The following ZNF670 variants were observed in gnomAD, a reference collection of about 807,000 sequenced individuals.
The protein encoded by ZNF670 is zinc finger protein 670.
ZNF670 carries 7 observed loss-of-function variants against 10.9 expected under a neutral mutation model. That is an observed-to-expected ratio of 0.64 (90% CI 0.36 to 1.20). ZNF670 has a LOEUF of 1.20. Among genes scored for constraint, ZNF670 ranks in the 50% most tolerant of loss-of-function variants. ZNF670 has a pLI of 0.02. For synonymous variants in ZNF670, 136 were observed against 152.7 expected (o/e 0.89, Z 0.81); for missense variants, 446 against 458.6 (o/e 0.97, Z 0.25).
At chr1:247,065,054 T>G (rs1409132718) in intron 1 of ZNF670, among the ~76,000 whole-genome samples, 2 of 152,120 alleles carry the variant, frequency 1.3e-5, no homozygotes, top group East Asian at 1.9e-4. Flanking sequence ...GTGATCCACC[T>G]GCCTCAGCCT....
At chr1:247,050,734 A>G (rs144118958) in intron 1 of ZNF670, among the ~76,000 whole-genome samples, 3,816 of 151,852 alleles carry the variant, frequency 0.025, 66 homozygotes, top group Non-Finnish European at 0.028. Flanking sequence ...TCGGCCTCCC[A>G]AAGTGTTGGG....
chr1:247,063,854 G>A (rs1670922424), intron 1 of ZNF670, among the ~76,000 whole-genome samples: 1 of 152,212 alleles, frequency 6.6e-6, no homozygotes, highest in Non-Finnish European at 1.5e-5. Flanking sequence ...ACATGGGGCT[G>A]TGGGCACACA....
intron 1 of ZNF670, among the ~76,000 whole-genome samples, chr1:247,078,282 G>A (rs188979906): frequency 6.6e-6 from 1 of 152,366 alleles, no homozygotes; most frequent in East Asian, 1.9e-4. Context: ...CTCCCACGCA[G>A]GAACCCCGAA....
At chr1:247,061,198 T>TTTG (rs1202262334) in intron 1 of ZNF670, among the ~76,000 whole-genome samples, 1 of 151,794 alleles carries the variant, frequency 6.6e-6, no homozygotes, top group African/African-American at 2.4e-5. Context: ...TTTTTTTTTT[T>TTTG]TGAGATGGAG....
intron 1 of ZNF670, among the ~76,000 whole-genome samples, chr1:247,068,829 CAAAAA>C (rs35582452): frequency 2.3e-5 from 2 of 85,604 alleles, no homozygotes; most frequent in Non-Finnish European, 4.5e-5. Context: ...ACTATTTTGC[CAAAAA>C]AAAAAAAAAA....
chr1:247,064,495 C>A (rs547744522), intron 1 of ZNF670, among the ~76,000 whole-genome samples: 5 of 152,294 alleles, frequency 3.3e-5, no homozygotes, highest in African/African-American at 1.2e-4. Context: ...CTGACCTCAC[C>A]CAGGAGGCAT....
chr1:247,068,038 G>A (rs1484725203), intron 1 of ZNF670, among the ~76,000 whole-genome samples: 2 of 150,312 alleles, frequency 1.3e-5, no homozygotes, highest in African/African-American at 5.0e-5. Flanking sequence ...GATGGGCAAG[G>A]CTGGGCGCAG....
intron 1 of ZNF670, among the ~76,000 whole-genome samples, chr1:247,048,571 C>T (rs564976587): frequency 1.3e-5 from 2 of 152,276 alleles, no homozygotes; most frequent in African/African-American, 4.8e-5. Flanking sequence ...TTTATAGCAC[C>T]ACCCCACTCT....
rs1670120532 is a variant in ZNF670, at chr1:247,035,227, T to G, written c.*2222A>C. On this transcript the variant is annotated 3_prime_UTR_variant, in exon 4 of 4. Coordinates refer to ENST00000366503, the MANE Select transcript of ZNF670 (RefSeq NM_033213.5). ...CAGTCTCATGGGTGACAGGAAAAAT[T>G]AGGACCCTAAGACTACTGGGAAAAA... Among the ~76,000 whole-genome samples, 2 of 152,172 alleles carry G rather than the reference T, an allele frequency of 1.3e-5. No individual in the cohort carries two copies. Among genetic ancestry groups the G allele is most frequent in the Non-Finnish European group, 2.9e-5 (2 of 68,018 alleles).
intron 1 of ZNF670, among the ~76,000 whole-genome samples, chr1:247,057,994 T>C (rs1670759815): frequency 6.6e-6 from 1 of 152,214 alleles, no homozygotes; most frequent in South Asian, 2.1e-4. Context: ...TAAAAGGTTA[T>C]AAACAGTTTG....
chr1:247,036,313 A>T lies in ZNF670; in HGVS notation c.*1136T>A, dbSNP rs918108007. On this transcript the variant is annotated 3_prime_UTR_variant, in exon 4 of 4. Coordinates refer to ENST00000366503, the MANE Select transcript of ZNF670 (RefSeq NM_033213.5). ...TGAGACTGAATGCTTTCACACGCAG[A>T]TTAGACAAGCATACTGTCCAATCAC... is the stretch of plus-strand genomic sequence containing the variant. 2.0e-5 allele frequency among the ~76,000 whole-genome samples: 3 copies of T among 152,210 alleles called. No homozygotes were observed. The highest frequency in any genetic ancestry group is 7.2e-5 in the African/African-American group (3 of 41,446).
intron 1 of ZNF670, among the ~76,000 whole-genome samples, chr1:247,062,002 A>G (rs74328324): frequency 0.029 from 4,451 of 152,288 alleles, 243 homozygotes; most frequent in African/African-American, 0.1. Context: ...TTATTTCCAC[A>G]ATAATAAACT....
At chr1:247,050,480 C>CT (rs35338939) in intron 1 of ZNF670, among the ~76,000 whole-genome samples, 75,514 of 142,586 alleles carry the variant, frequency 0.53, 21,527 homozygotes, top group African/African-American at 0.75. Flanking sequence ...TTCTTTTCTT[C>CT]TTTTTTTTTT....
At chr1:247,076,588 T>C (rs1671259966) in intron 1 of ZNF670, among the ~76,000 whole-genome samples, 1 of 151,908 alleles carries the variant, frequency 6.6e-6, no homozygotes, top group African/African-American at 2.4e-5. Flanking sequence ...CTTTTCTGCC[T>C]AAACTTTAAC....
chr1:247,050,326 T>C (rs1447536660), intron 1 of ZNF670, among the ~76,000 whole-genome samples: 2 of 152,226 alleles, frequency 1.3e-5, no homozygotes, highest in African/African-American at 2.4e-5. Flanking sequence ...TTTTCTCTGA[T>C]GTAAGAATAG....
chr1:247,045,904 G>A (rs991735875), intron 1 of ZNF670, among the ~76,000 whole-genome samples: 2 of 152,160 alleles, frequency 1.3e-5, no homozygotes, highest in African/African-American at 4.8e-5. Flanking sequence ...AAATGACAAA[G>A]TTTTGGTGAG....
At chr1:247,051,983 G>T (rs1572562388) in intron 1 of ZNF670, among the ~76,000 whole-genome samples, 1 of 141,852 alleles carries the variant, frequency 7.0e-6, no homozygotes, top group Admixed American at 6.9e-5. Context: ...TTTCGTCCAT[G>T]TCCTGTATTT....
chr1:247,051,320 G>A (rs1670591325), intron 1 of ZNF670, among the ~76,000 whole-genome samples: 1 of 151,772 alleles, frequency 6.6e-6, no homozygotes, highest in Non-Finnish European at 1.5e-5. Flanking sequence ...TGGTAGTGGT[G>A]AGTTCTCAGT....
chr1:247,063,862 A>G (rs1670922761), intron 1 of ZNF670, among the ~76,000 whole-genome samples: 1 of 152,184 alleles, frequency 6.6e-6, no homozygotes. Context: ...CTGTGGGCAC[A>G]CAGCTTCCCA....
Sources: gnomAD v4.1 joint callset for allele counts (sites outside exome capture counted in the v4.1 genomes callset) on GRCh38, gnomAD v4.1.1 for gene constraint, MANE v1.5 for transcripts, NCBI Gene and HGNC (gene_info 2026-07-23, HGNC 2026-07-21) for gene names.